Variants in PRKN observed in about 807,000 individuals in gnomAD.
PRKN encodes the protein parkin RBR E3 ubiquitin protein ligase, also known as E3 ubiquitin-protein ligase parkin.
PRKN carries 56 observed loss-of-function variants against 59.5 expected under a neutral mutation model. The observed-to-expected ratio is 0.94, with a 90% CI of 0.76 to 1.18. PRKN has a LOEUF of 1.18. Ranked by LOEUF, PRKN falls within the 50% of genes most tolerant of loss-of-function variation. The pLI is 0.00. For missense variants in PRKN, 657 were observed against 596.4 expected (o/e 1.10, Z -1.06); for synonymous variants, 250 against 222.1 (o/e 1.13, Z -1.12).
At chr6:162,660,065 A>G (rs1445757877) in intron 1 of PRKN, among the ~76,000 whole-genome samples, 1 of 152,182 alleles carries the variant, frequency 6.6e-6, no homozygotes, top group Admixed American at 6.5e-5. Flanking sequence ...TCCTGTTCTC[A>G]CTACTAGAAT....
intron 4 of PRKN, among the ~76,000 whole-genome samples, chr6:162,139,538 A>G (rs551880399): frequency 2.0e-5 from 3 of 152,262 alleles, no homozygotes; most frequent in East Asian, 1.9e-4. Context: ...GCATGGCAGT[A>G]TGATGGAAAC....
At chr6:161,706,330 C>T (rs137857748) in intron 7 of PRKN, among the ~76,000 whole-genome samples, 191 of 152,324 alleles carry the variant, frequency 1.3e-3, no homozygotes, top group Non-Finnish European at 2.2e-3. Context: ...TCAGGAGTCA[C>T]CTTTCTGAAG....
chr6:161,752,970 G>A (rs1788758091), intron 7 of PRKN, among the ~76,000 whole-genome samples: 1 of 152,180 alleles, frequency 6.6e-6, no homozygotes. Context: ...TAACGCTTGT[G>A]TGAGGAACAG....
intron 5 of PRKN, among the ~76,000 whole-genome samples, chr6:162,016,531 T>C (rs1480420230): frequency 1.3e-5 from 2 of 152,106 alleles, no homozygotes; most frequent in Admixed American, 1.3e-4. Context: ...AAGGTTCTTA[T>C]GATGGACAAC....
At position 161,810,945 on chromosome 6, in the gene PRKN, G is replaced by A. The variant is rs537114533; in HGVS notation, c.735-25037C>T. Among the ~76,000 whole-genome samples, 2 of 152,214 alleles carry A rather than the reference G, an allele frequency of 1.3e-5. 1 individual carries two copies. Among genetic ancestry groups the A allele is most frequent in the South Asian group, 4.1e-4 (2 of 4,822 alleles). ...GAGCTATATCTTTAAGGATGGGCAGGGGTTCGTCTGATGGGGAAGAGGAAG... is the reference window on the plus strand; with the variant it reads ...GAGCTATATCTTTAAGGATGGGCAGAGGTTCGTCTGATGGGGAAGAGGAAG... On this transcript the variant is annotated intron_variant, in intron 6 of 11. Transcript: ENST00000366898.
chr6:162,034,186 TAGAGAG>T (rs71643580), intron 5 of PRKN, among the ~76,000 whole-genome samples: 1,335 of 133,260 alleles, frequency 0.01, 18 homozygotes, highest in African/African-American at 0.033. Context: ...TATATATATA[TAGAGAG>T]AGAGAGAGAG....
In PRKN at chr6:162,026,537, C is replaced by T. The variant is rs117694952; in HGVS notation, c.618+27554G>A. Among the ~76,000 whole-genome samples, 967 of 152,274 alleles carry T rather than the reference C, an allele frequency of 6.4e-3. 4 individuals carry two copies. Among genetic ancestry groups the T allele is most frequent in the Non-Finnish European group, 0.011 (754 of 68,014 alleles). ...CACCTCAACTTTCCTAAAAGAGATG[C>T]TTTTGCTGTAAATATTCTAAAGCTA... On this transcript the variant is annotated intron_variant, in intron 5 of 11. Coordinates refer to ENST00000366898, the MANE Select transcript of PRKN (RefSeq NM_004562.3).
chr6:162,697,399 C>T (rs1778008994), intron 1 of PRKN, among the ~76,000 whole-genome samples: 1 of 152,116 alleles, frequency 6.6e-6, no homozygotes, highest in Admixed American at 6.6e-5. Context: ...AGCCCTGTAG[C>T]CTCAATAAAC....
chr6:162,725,166 C>G (rs948673001), intron 1 of PRKN, among the ~76,000 whole-genome samples: 2 of 152,196 alleles, frequency 1.3e-5, no homozygotes, highest in African/African-American at 4.8e-5. Context: ...CCTGAGGTCT[C>G]CCTCATACTC....
intron 1 of PRKN, among the ~76,000 whole-genome samples, chr6:162,592,572 G>A (rs1249007596): frequency 6.6e-6 from 1 of 152,136 alleles, no homozygotes; most frequent in Non-Finnish European, 1.5e-5. Flanking sequence ...AAACACCACT[G>A]CTTCAGAATC....
In PRKN at chr6:161,703,837, CTCTTTTTTTTTTTTTTTTTT is replaced by C. The variant is rs1216163493; in HGVS notation, c.871+81915_871+81934del. ...GACACACATCTCTCTCTCTCTCTCT[CTCTTTTTTTTTTTTTTTTTT>C]TTTTTTTTTTTTTTTTTTTACAGAG... On this transcript the variant is annotated intron_variant, in intron 7 of 11. Coordinates refer to ENST00000366898, the MANE Select transcript of PRKN (RefSeq NM_004562.3). Among the ~76,000 whole-genome samples, 404 of 104,810 alleles carry C rather than the reference CTCTTTTTTTTTTTTTTTTTT, an allele frequency of 3.9e-3. 3 individuals carry two copies. The highest frequency in any genetic ancestry group is 0.016 in the African/African-American group (340 of 20,804). The allele number at this position is 104,810 out of a possible 152,430, so 68.8% of individuals were successfully genotyped here.
At chr6:162,725,771 G>GAAA (rs34045483) in intron 1 of PRKN, among the ~76,000 whole-genome samples, 1 of 130,512 alleles carries the variant, frequency 7.7e-6, no homozygotes, top group Admixed American at 7.5e-5. Context: ...TCAAAAAGAG[G>GAAA]AAAAAAAAAA....
chr6:161,765,223 C>T (rs1292885244), intron 7 of PRKN, among the ~76,000 whole-genome samples: 1 of 152,158 alleles, frequency 6.6e-6, no homozygotes, highest in African/African-American at 2.4e-5. Flanking sequence ...TCATGAAACA[C>T]AGAAGCTACC....
chr6:162,257,541 G>A (rs896532905), intron 3 of PRKN, among the ~76,000 whole-genome samples: 2 of 152,112 alleles, frequency 1.3e-5, no homozygotes, highest in Middle Eastern at 3.4e-3. Flanking sequence ...GAAGTGAGAC[G>A]GTCCCTGGGT....
intron 1 of PRKN, among the ~76,000 whole-genome samples, chr6:162,460,597 C>G (rs893973916): frequency 6.6e-6 from 1 of 152,158 alleles, no homozygotes; most frequent in African/African-American, 2.4e-5. Context: ...TCTGTATACC[C>G]ATCACTTATT....
intron 7 of PRKN, among the ~76,000 whole-genome samples, chr6:161,621,457 AG>A (rs1429472718): frequency 6.6e-6 from 1 of 152,094 alleles, no homozygotes; most frequent in African/African-American, 2.4e-5. Context: ...CTGATGTCCA[AG>A]GGCAGGAGGA....
chr6:161,688,399 TCATGTTTGGA>T (rs1274492407), intron 7 of PRKN, among the ~76,000 whole-genome samples: 1 of 152,230 alleles, frequency 6.6e-6, no homozygotes, highest in Non-Finnish European at 1.5e-5. Flanking sequence ...GCCTATGCTC[TCATGTTTGGA>T]CATTCCTAGC....
chr6:162,440,368 A>C (rs9365435), intron 2 of PRKN, among the ~76,000 whole-genome samples: 14,439 of 152,108 alleles, frequency 0.095, 808 homozygotes, highest in South Asian at 0.18. Context: ...ACATTTCATA[A>C]GACTGTGGTC....
chr6:161,706,047 G>C (rs1786477192), intron 7 of PRKN, among the ~76,000 whole-genome samples: 2 of 151,708 alleles, frequency 1.3e-5, no homozygotes, highest in South Asian at 2.1e-4. Flanking sequence ...CTGCATACCA[G>C]ATAATGTGGC....
Sources: allele counts gnomAD v4.1 joint callset (sites outside exome capture counted in the v4.1 genomes callset), GRCh38; gene constraint gnomAD v4.1.1; transcripts MANE v1.5; gene names NCBI Gene and HGNC (gene_info 2026-07-23, HGNC 2026-07-21).